Variants in SLC39A12 observed in about 807,000 individuals in gnomAD.
The protein encoded by SLC39A12 is solute carrier family 39 member 12.
A neutral mutation model predicts 71.1 loss-of-function variants in SLC39A12; 63 were observed. That is an observed-to-expected ratio of 0.89 (90% CI 0.72 to 1.09). SLC39A12 has a LOEUF of 1.09. SLC39A12 is among the 50% of genes least tolerant of loss of function. The pLI, the probability that SLC39A12 is intolerant of heterozygous loss-of-function variation, is 0.00. For missense variants in SLC39A12, 892 were observed against 812.6 expected, an observed-to-expected ratio of 1.10 and a Z score of -1.19; for synonymous variants, 351 against 301.3, an observed-to-expected ratio of 1.16 and a Z score of -1.71.
At chr10:18,027,703 TC>T (rs1166571199) in intron 12 of SLC39A12, among the ~76,000 whole-genome samples, 10 of 152,244 alleles carry the variant, frequency 6.6e-5, no homozygotes, top group Non-Finnish European at 1.5e-4. Context: ...CTGCTGTCTC[TC>T]CAATGTCTGA....
At chr10:18,003,122 C>T (rs747875741) in intron 11 of SLC39A12, 49 bp from the exon 12 acceptor site, 16 of 1,551,864 alleles carry the variant, frequency 1.0e-5, no homozygotes, top group Admixed American at 3.6e-5. Context: ...TTAGCAAAGG[C>T]GTCTTCCATT....
chr10:18,035,889 C>G lies in SLC39A12; in HGVS notation c.1948-6816C>G, dbSNP rs1024639429. On this transcript the variant is annotated intron_variant, in intron 12 of 12. Coordinates refer to ENST00000377369, the MANE Select transcript of SLC39A12 (RefSeq NM_001145195.2). ...ACAGACAGGACCCTCAGCTGCAGGTCTGTTGGAATACCCTGCCGTGTGAGG... is the reference window on the plus strand; with the variant it reads ...ACAGACAGGACCCTCAGCTGCAGGTGTGTTGGAATACCCTGCCGTGTGAGG... Among the ~76,000 whole-genome samples, 10 of 152,256 alleles carry G rather than the reference C, an allele frequency of 6.6e-5. 1 individual carries two copies. Among genetic ancestry groups the G allele is most frequent in the African/African-American group, 2.4e-4 (10 of 41,536 alleles).
intron 12 of SLC39A12, among the ~76,000 whole-genome samples, chr10:18,036,356 C>G (rs182870132): frequency 7.2e-5 from 11 of 152,236 alleles, no homozygotes; most frequent in African/African-American, 2.6e-4. Context: ...CGTGGTGCGC[C>G]GTTTTTTTAA....
At chr10:17,983,927 C>T (rs975973675) in intron 6 of SLC39A12, among the ~76,000 whole-genome samples, 36 of 152,190 alleles carry the variant, frequency 2.4e-4, no homozygotes, top group South Asian at 2.1e-4. Context: ...GAGGAAGACT[C>T]GGGGAGACAT....
At chr10:17,975,928 G>A (rs1034127270) in intron 4 of SLC39A12, among the ~76,000 whole-genome samples, 4 of 152,082 alleles carry the variant, frequency 2.6e-5, no homozygotes, top group African/African-American at 9.7e-5. Flanking sequence ...GTTTGGTCCT[G>A]TTTTCCTTTC....
At chr10:18,004,847 G>A (rs1000818498) in intron 12 of SLC39A12, among the ~76,000 whole-genome samples, 6 of 152,166 alleles carry the variant, frequency 3.9e-5, no homozygotes, top group African/African-American at 1.4e-4. Flanking sequence ...GTGACAGACC[G>A]GGTAAAGAAA....
At chr10:17,982,056 T>G (rs1007885268) in intron 6 of SLC39A12, among the ~76,000 whole-genome samples, 2 of 152,140 alleles carry the variant, frequency 1.3e-5, no homozygotes, top group African/African-American at 4.8e-5. Context: ...CTTTCTCACA[T>G]CATGGCATGT....
chr10:17,999,076 C>T (rs546632194), intron 10 of SLC39A12, among the ~76,000 whole-genome samples: 10 of 152,106 alleles, frequency 6.6e-5, no homozygotes, highest in African/African-American at 2.2e-4. Context: ...GCGGGTGGAT[C>T]ACTGGAGGTC....
chr10:18,017,650 G>A (rs191249276), intron 12 of SLC39A12, among the ~76,000 whole-genome samples: 169 of 152,232 alleles, frequency 1.1e-3, no homozygotes, highest in Non-Finnish European at 1.6e-3. Context: ...AGAGGCCATT[G>A]CTCCATTTTA....
At chr10:17,987,693 G>A in intron 7 of SLC39A12, 42 bp downstream of exon 7, 1 of 1,605,116 alleles carries the variant, frequency 6.2e-7, no homozygotes, top group Non-Finnish European at 8.5e-7. Context: ...TCACTTCATT[G>A]CTCTTCACTT....
At chr10:17,961,449 C>CT (rs1834686368) in intron 2 of SLC39A12, 132 bp from the exon 3 acceptor site, 1 of 807,724 alleles carries the variant, frequency 1.2e-6, no homozygotes, top group South Asian at 1.9e-5. Context: ...CTGAATCTGG[C>CT]TATTGGTCCT....
intron 12 of SLC39A12, among the ~76,000 whole-genome samples, chr10:18,024,768 T>C (rs924000089): frequency 5.9e-5 from 9 of 152,224 alleles, no homozygotes; most frequent in Non-Finnish European, 1.2e-4. Flanking sequence ...CATTTTTGTC[T>C]CACATATTTT....
intron 10 of SLC39A12, among the ~76,000 whole-genome samples, chr10:17,998,741 C>T (rs2130838442): frequency 6.6e-6 from 1 of 152,206 alleles, no homozygotes; most frequent in South Asian, 2.1e-4. Flanking sequence ...GGAGCTATCT[C>T]CTAGACGGTA....
In SLC39A12 at chr10:17,991,141, T is replaced by TTTC. The variant is rs1554851668; in HGVS notation, c.1270-10_1270-9insTTC. 9.7e-5 allele frequency: 147 copies of TTTC among 1,522,342 alleles called. No individual in the cohort carries two copies. Among genetic ancestry groups the TTTC allele is most frequent in the Middle Eastern group, 5.3e-4 (3 of 5,678 alleles). 94.3% of individuals were successfully genotyped at this position (1,522,342 alleles called of 1,614,324 possible). On this transcript the variant is annotated splice_polypyrimidine_tract_variant and intron_variant, in intron 7 of 12. Transcript: ENST00000377369. ...TCTCTCTGCCTTTTTTTTTTTTTTT[T>TTTC]CCCCTGAAGGTTCTTGGTTTACATA...
intron 12 of SLC39A12, among the ~76,000 whole-genome samples, chr10:18,040,661 C>T (rs374016632): frequency 1.4e-4 from 21 of 150,972 alleles, no homozygotes; most frequent in East Asian, 1.4e-3. Flanking sequence ...TCCAGCTACT[C>T]GGGAGGCTGA....
At chr10:17,958,041 A>G (rs1479826737) in intron 2 of SLC39A12, among the ~76,000 whole-genome samples, 1 of 152,218 alleles carries the variant, frequency 6.6e-6, no homozygotes, top group African/African-American at 2.4e-5. Context: ...CCAGAAACCA[A>G]TTGTACCTTC....
chr10:18,027,179 C>T (rs961915548), intron 12 of SLC39A12, among the ~76,000 whole-genome samples: 1 of 152,180 alleles, frequency 6.6e-6, no homozygotes, highest in African/African-American at 2.4e-5. Context: ...GCTCTACAGT[C>T]CTTTGGTAGA....
intron 12 of SLC39A12, among the ~76,000 whole-genome samples, chr10:18,003,571 T>C (rs1265314624): frequency 6.6e-6 from 1 of 152,200 alleles, no homozygotes; most frequent in Non-Finnish European, 1.5e-5. Context: ...TTTTCTGTAG[T>C]GTTAAAGTGA....
intron 2 of SLC39A12, among the ~76,000 whole-genome samples, chr10:17,960,975 G>A (rs1011328196): frequency 6.6e-5 from 10 of 152,110 alleles, no homozygotes; most frequent in Non-Finnish European, 8.8e-5. Flanking sequence ...AACTTCAAAT[G>A]ACATATGTGG....
Sources: gnomAD v4.1 joint callset for allele counts (sites outside exome capture counted in the v4.1 genomes callset) on GRCh38, gnomAD v4.1.1 for gene constraint, MANE v1.5 for transcripts, NCBI Gene and HGNC (gene_info 2026-07-23, HGNC 2026-07-21) for gene names.